Variants in CFAP263 observed in about 807,000 individuals in gnomAD.
CFAP263 encodes the protein cilia- and flagella-associated protein 263.
At chr16:58,258,696 A>G in the CFAP263 span, among the ~76,000 whole-genome samples, 1 of 152,056 alleles carries the variant, frequency 6.6e-6, no homozygotes, top group South Asian at 2.1e-4. Flanking sequence ...TTTAAAATGT[A>G]TGTTTATGGC....
At chr16:58,261,505 G>C in the CFAP263 span, among the ~76,000 whole-genome samples, 4 of 152,186 alleles carry the variant, frequency 2.6e-5, no homozygotes, top group Admixed American at 1.3e-4. Flanking sequence ...ATAGACTAGT[G>C]GGCAGCAGTG....
At chr16:58,251,512 C>A in the CFAP263 span, among the ~76,000 whole-genome samples, 4 of 152,200 alleles carry the variant, frequency 2.6e-5, no homozygotes, top group Non-Finnish European at 5.9e-5. Context: ...CTGCCTCAGA[C>A]CCCTGAATAG....
chr16:58,268,001 G>C, the CFAP263 span, among the ~76,000 whole-genome samples: 2 of 150,404 alleles, frequency 1.3e-5, no homozygotes, highest in Non-Finnish European at 2.9e-5. Context: ...GACAGAGAGA[G>C]GAAAGAGAGA....
At chr16:58,253,032 A>G in the CFAP263 span, among the ~76,000 whole-genome samples, 1 of 152,152 alleles carries the variant, frequency 6.6e-6, no homozygotes, top group African/African-American at 2.4e-5. Flanking sequence ...TGTGAAAGAA[A>G]CTGGGTTCAG....
the CFAP263 span, chr16:58,259,956 T>C: frequency 1.1e-4 from 167 of 1,496,660 alleles, 1 homozygote; most frequent in African/African-American, 2.1e-3. Flanking sequence ...TTTTTCTCTC[T>C]CTCTCTGTTT....
At chr16:58,257,554 C>G in the CFAP263 span, among the ~76,000 whole-genome samples, 1 of 152,044 alleles carries the variant, frequency 6.6e-6, no homozygotes, top group Admixed American at 6.6e-5. Flanking sequence ...TTGCCTCAGC[C>G]TCCTGAGCAG....
chr16:58,273,123 G>A, the CFAP263 span, among the ~76,000 whole-genome samples: 1 of 151,818 alleles, frequency 6.6e-6, no homozygotes, highest in African/African-American at 2.4e-5. Flanking sequence ...TCTTTGCTTT[G>A]CCATTTAACA....
At chr16:58,257,395 G>T in the CFAP263 span, among the ~76,000 whole-genome samples, 1 of 151,836 alleles carries the variant, frequency 6.6e-6, no homozygotes, top group Non-Finnish European at 1.5e-5. Flanking sequence ...ATCTCTTTAC[G>T]TCAATACATA....
At chr16:58,277,231 C>T in the CFAP263 span, among the ~76,000 whole-genome samples, 3 of 151,944 alleles carry the variant, frequency 2.0e-5, no homozygotes, top group Non-Finnish European at 4.4e-5. Context: ...AGGGTTCAAG[C>T]AATTCTCCTG....
At chr16:58,275,587 C>T in the CFAP263 span, among the ~76,000 whole-genome samples, 12 of 152,200 alleles carry the variant, frequency 7.9e-5, no homozygotes, top group Non-Finnish European at 1.2e-4. Context: ...ATTTAACACA[C>T]GCTCAGGAAT....
the CFAP263 span, among the ~76,000 whole-genome samples, chr16:58,272,689 T>C: frequency 6.6e-6 from 1 of 152,210 alleles, no homozygotes; most frequent in Non-Finnish European, 1.5e-5. Flanking sequence ...ATTTATTTTG[T>C]TGCTCAAATT....
At chr16:58,269,621 G>A in the CFAP263 span, among the ~76,000 whole-genome samples, 8 of 152,104 alleles carry the variant, frequency 5.3e-5, no homozygotes, top group South Asian at 4.2e-4. Context: ...TTTTCACTTG[G>A]AATAACATTT....
the CFAP263 span, chr16:58,259,934 G>A: frequency 6.3e-7 from 1 of 1,591,584 alleles, no homozygotes; most frequent in South Asian, 1.1e-5. Context: ...AATTGAGGCA[G>A]GTATGTGGTC....
chr16:58,277,159 C>T, the CFAP263 span, among the ~76,000 whole-genome samples: 8 of 151,462 alleles, frequency 5.3e-5, no homozygotes, highest in South Asian at 8.3e-4. Flanking sequence ...TAGACAGTTT[C>T]GCTCTATCAC....
chr16:58,280,185 T>C, the CFAP263 span: 1 of 1,562,320 alleles, frequency 6.4e-7, no homozygotes, highest in Non-Finnish European at 8.7e-7. Flanking sequence ...CACTCAGCAT[T>C]CTCAGTTTAC....
chr16:58,251,897 C>G, the CFAP263 span, among the ~76,000 whole-genome samples: 1 of 152,188 alleles, frequency 6.6e-6, no homozygotes. Context: ...AGGTTATAAC[C>G]TTGGCATATA....
the CFAP263 span, among the ~76,000 whole-genome samples, chr16:58,278,306 ATGTT>A: frequency 6.6e-6 from 1 of 152,346 alleles, no homozygotes; most frequent in Admixed American, 6.5e-5. Flanking sequence ...GGCTTAAAAT[ATGTT>A]TGGGAAAAAA....
chr16:58,267,933 T>C, the CFAP263 span, among the ~76,000 whole-genome samples: 4 of 151,620 alleles, frequency 2.6e-5, no homozygotes, highest in Non-Finnish European at 5.9e-5. Flanking sequence ...CCCGTAGTAA[T>C]GTACCTGATA....
At chr16:58,279,891 CA>C in the CFAP263 span, 2 of 854,946 alleles carry the variant, frequency 2.3e-6, no homozygotes, top group Non-Finnish European at 3.7e-6. Flanking sequence ...CCCAACCCCC[CA>C]CCCAGGCTGC....
Sources: gnomAD v4.1 joint callset for allele counts (sites outside exome capture counted in the v4.1 genomes callset) on GRCh38, gnomAD v4.1.1 for gene constraint, MANE v1.5 for transcripts, NCBI Gene and HGNC (gene_info 2026-07-23, HGNC 2026-07-21) for gene names.